Variants in PCDHA4 observed in about 807,000 individuals in gnomAD.
The protein encoded by PCDHA4 is protocadherin alpha-4.
PCDHA4 carries 49 observed loss-of-function variants against 61.4 expected under a neutral mutation model. That is an observed-to-expected ratio of 0.80 (90% CI 0.63 to 1.01). The LOEUF is 1.01. PCDHA4 is among the 50% of genes least tolerant of loss of function. The pLI, the probability that PCDHA4 is intolerant of heterozygous loss-of-function variation, is 0.00. For synonymous variants in PCDHA4, 590 were observed against 550.3 expected (o/e 1.07, Z -1.01); for missense variants, 1,254 against 1,235.8 (o/e 1.01, Z -0.22).
chr5:140,953,093 A>T (rs2153698233), intron 1 of PCDHA4, among the ~76,000 whole-genome samples: 1 of 152,346 alleles, frequency 6.6e-6, no homozygotes, highest in East Asian at 1.9e-4. Flanking sequence ...TTACAATTTG[A>T]CATGAGATTT....
intron 1 of PCDHA4, chr5:140,827,925 T>TG (rs1769455571): frequency 1.0e-6 from 1 of 988,318 alleles, no homozygotes; most frequent in African/African-American, 1.6e-5. Context: ...CTGTCTACCA[T>TG]GAAGTTATAG....
rs2041909016 is a variant in PCDHA4, at chr5:140,850,973, A to G, written c.2385+41401A>G. 2.1e-6 allele frequency: 3 copies of G among 1,455,694 alleles called. No individual in the cohort carries two copies. In the South Asian group the frequency reaches 4.4e-5, roughly 21 times the overall value. 90.2% of individuals were successfully genotyped at this position (1,455,694 alleles called of 1,614,324 possible). A position where few individuals can be genotyped will look rare whatever the true frequency, so the allele number is the denominator to read the frequency against. ...GATTACTCCCAGGGGCCGTTCAAATAGTTTTATTCATTTTTCTAGAAATCC... is the reference window on the plus strand; with the variant it reads ...GATTACTCCCAGGGGCCGTTCAAATGGTTTTATTCATTTTTCTAGAAATCC... On this transcript the variant is annotated intron_variant, in intron 1 of 3. Transcript: ENST00000530339.
intron 1 of PCDHA4, chr5:140,843,660 T>C (rs2150364651): frequency 6.3e-7 from 1 of 1,594,154 alleles, no homozygotes; most frequent in Non-Finnish European, 8.6e-7. Flanking sequence ...CCTCCTGATC[T>C]GGGATCAGTT....
At chr5:140,867,122 T>C (rs2049769007) in intron 1 of PCDHA4, 1 of 152,160 alleles carries the variant, frequency 6.6e-6, no homozygotes. Context: ...TTGTTTTAAT[T>C]CAAATATGTG....
In PCDHA4 at chr5:140,823,096, T is replaced by C. The variant is rs1554129134; in HGVS notation, c.2385+13524T>C. On this transcript the variant is annotated intron_variant, in intron 1 of 3. Transcript: ENST00000530339. Reference sequence around the variant, plus strand: ...TTCGCTGTGGGCCACCGCCAGCGTGTCTGTGGAAGTGGCCGACGTGAACGA... The same window carrying C: ...TTCGCTGTGGGCCACCGCCAGCGTGCCTGTGGAAGTGGCCGACGTGAACGA... The C allele has an allele frequency of 1.9e-6, 3 of 1,613,924 alleles. No individual in the cohort carries two copies. The East Asian group carries it at 6.7e-5, about 36-fold the overall frequency.
At chr5:140,886,599 G>A (rs1370842751) in intron 1 of PCDHA4, among the ~76,000 whole-genome samples, 1 of 151,940 alleles carries the variant, frequency 6.6e-6, no homozygotes, top group African/African-American at 2.4e-5. Flanking sequence ...AGGCCAAGGT[G>A]GGCGGATCAG....
intron 1 of PCDHA4, among the ~76,000 whole-genome samples, chr5:140,948,544 G>A (rs2094271073): frequency 1.3e-5 from 2 of 151,392 alleles, no homozygotes; most frequent in Admixed American, 1.3e-4. Flanking sequence ...TTCATGCTCT[G>A]TCAATTTTGT....
chr5:141,006,503 G>A (rs1163915409), intron 3 of PCDHA4, among the ~76,000 whole-genome samples: 2 of 152,168 alleles, frequency 1.3e-5, no homozygotes, highest in South Asian at 2.1e-4. Context: ...GTGAGCCACC[G>A]CGCCTGGCTG....
chr5:140,969,203 G>A (rs781962982), intron 1 of PCDHA4: 2 of 1,614,178 alleles, frequency 1.2e-6, no homozygotes, highest in Non-Finnish European at 8.5e-7. Flanking sequence ...CAATACAGGG[G>A]CCCAGACAGG....
At chr5:140,828,649 TG>T in intron 1 of PCDHA4, 1 of 1,614,100 alleles carries the variant, frequency 6.2e-7, no homozygotes, top group Non-Finnish European at 8.5e-7. Context: ...AAATAAACAG[TG>T]ATGACAATAA....
chr5:140,857,491 G>A, intron 1 of PCDHA4: 2 of 1,598,340 alleles, frequency 1.3e-6, no homozygotes, highest in Non-Finnish European at 1.7e-6. Flanking sequence ...CGTGGGACGC[G>A]GACGCGCAGG....
At chr5:140,988,874 T>G (rs1407460154) in intron 3 of PCDHA4, 2 of 152,194 alleles carry the variant, frequency 1.3e-5, no homozygotes, top group Non-Finnish European at 1.5e-5. Flanking sequence ...CACTCAGATG[T>G]ACGATCCTGG....
rs573633705 is a variant in PCDHA4, at chr5:140,978,668, C to T, written c.2386-281C>T. ...TGTTCTTCCCGTAGTGTTTTAAGAACACAGACATGTATTGGGCAAGGCAAA... is the reference window on the plus strand; with the variant it reads ...TGTTCTTCCCGTAGTGTTTTAAGAATACAGACATGTATTGGGCAAGGCAAA... On this transcript the variant is annotated intron_variant, in intron 1 of 3. Coordinates refer to ENST00000530339, the MANE Select transcript of PCDHA4 (RefSeq NM_018907.4). 4.6e-5 allele frequency among the ~76,000 whole-genome samples: 7 copies of T among 152,362 alleles called. No homozygotes were observed. The East Asian group carries it at 1.3e-3, about 29-fold the overall frequency.
intron 1 of PCDHA4, chr5:140,829,321 C>T (rs1770227307): frequency 6.2e-7 from 1 of 1,614,262 alleles, no homozygotes; most frequent in South Asian, 1.1e-5. Flanking sequence ...TGGTGCTGGA[C>T]AGTGCCCTGG....
intron 1 of PCDHA4, chr5:140,875,848 A>T: frequency 1.2e-6 from 2 of 1,614,188 alleles, no homozygotes; most frequent in East Asian, 2.2e-5. Context: ...GGTGAAGGAC[A>T]TTAACGACAA....
At chr5:140,898,701 A>G (rs1216294301) in intron 1 of PCDHA4, among the ~76,000 whole-genome samples, 2 of 152,102 alleles carry the variant, frequency 1.3e-5, no homozygotes, top group African/African-American at 4.8e-5. Context: ...ATGAACTTTA[A>G]AGTAGTTTTT....
chr5:140,967,385 C>G (rs2096135382), intron 1 of PCDHA4: 1 of 1,608,920 alleles, frequency 6.2e-7, no homozygotes, highest in African/African-American at 1.3e-5. Flanking sequence ...CAGTAAAGTG[C>G]TTGAGCTGGT....
intron 1 of PCDHA4, chr5:140,858,292 C>T (rs1554151391): frequency 6.3e-7 from 1 of 1,597,508 alleles, no homozygotes; most frequent in East Asian, 2.2e-5. Context: ...GCTGGTCTTA[C>T]TCGCAGCAGA....
chr5:140,882,852 T>C, intron 1 of PCDHA4: 2 of 1,614,216 alleles, frequency 1.2e-6, no homozygotes, highest in Non-Finnish European at 1.7e-6. Flanking sequence ...TTATCACTTG[T>C]ACTGAGGAAA....
Sources: gnomAD v4.1 joint callset for allele counts (sites outside exome capture counted in the v4.1 genomes callset) on GRCh38, gnomAD v4.1.1 for gene constraint, MANE v1.5 for transcripts, NCBI Gene and HGNC (gene_info 2026-07-23, HGNC 2026-07-21) for gene names.